Variants in MVP observed in about 807,000 individuals in gnomAD.
MVP encodes the protein major vault protein, also known as lung resistance-related protein.
In MVP, 62 loss-of-function variants were observed where a neutral mutation model predicts 83.5. The ratio of observed to expected loss-of-function variants is 0.74; its 90% CI spans 0.61 to 0.92. The LOEUF (loss-of-function observed/expected upper bound fraction) is 0.92. Ranked by LOEUF, MVP falls within the 40% of genes least tolerant of loss-of-function variation. The pLI, the probability that MVP is intolerant of heterozygous loss-of-function variation, is 0.00. For synonymous variants in MVP, 505 were observed against 504.1 expected, an observed-to-expected ratio of 1.00 and a Z score of -0.02; for missense variants, 1,000 against 1,203.4, an observed-to-expected ratio of 0.83 and a Z score of 2.50.
At chr16:29,839,852 C>T (rs1180741073) in intron 7 of MVP, among the ~76,000 whole-genome samples, 2 of 150,688 alleles carry the variant, frequency 1.3e-5, no homozygotes, top group African/African-American at 4.9e-5. Context: ...TTGTCAAGCC[C>T]TAGGTTACAC....
chr16:29,824,858 C>T (rs2150750210), intron 1 of MVP, among the ~76,000 whole-genome samples: 1 of 151,362 alleles, frequency 6.6e-6, no homozygotes, highest in Admixed American at 6.6e-5. Flanking sequence ...TTTGCTGTAG[C>T]AGAAGTTTAC....
chr16:29,831,125 C>T, intron 3 of MVP, 52 bp downstream of exon 3: 1 of 1,540,808 alleles, frequency 6.5e-7, no homozygotes, highest in African/African-American at 1.4e-5. Context: ...CTCCACCTGC[C>T]TTGGGCTCTA....
In MVP at chr16:29,833,834, T is replaced by C. The variant is rs748228739; in HGVS notation, c.423T>C (p.Asp141=). 1 of 1,614,086 alleles carries C rather than the reference T, an allele frequency of 6.2e-7. No individual in the cohort carries two copies. The highest frequency in any genetic ancestry group is 1.7e-5 in the Admixed American group (1 of 59,990). ...ATGGAGACAAGGTGGTGGCAGGAGA[T>C]GAGTGGCTTTTCGAGGGACCTGGTA... ...DKDGDKVVAG[D]EWLFEGPGTY... is the part of the protein sequence containing the mutation. The change falls in exon 4 of 15, where the codon GAT becomes GAC. Residue 141 remains aspartate (D), a synonymous_variant. Coordinates refer to ENST00000357402, the MANE Select transcript of MVP (RefSeq NM_005115.5).
At chr16:29,834,175 C>A in intron 5 of MVP, 109 bp downstream of exon 5, 1 of 1,457,110 alleles carries the variant, frequency 6.9e-7, no homozygotes, top group Non-Finnish European at 9.2e-7. Context: ...GAGGCGCTTT[C>A]CTGGTATCTT....
In MVP at chr16:29,822,081, G is replaced by C. The variant is rs933537276; in HGVS notation, c.-36+1571G>C. Among the ~76,000 whole-genome samples, 7 of 150,572 alleles carry C rather than the reference G, an allele frequency of 4.6e-5. 1 individual carries two copies. Among genetic ancestry groups the C allele is most frequent in the Admixed American group, 4.6e-4 (7 of 15,088 alleles). On this transcript the variant is annotated intron_variant, in intron 1 of 14. Transcript: ENST00000357402. ...TCTCTGTTTGTGTGTGTGTGGTTGG[G>C]GTTTTGTTTTTTTTTTTTTTTTAAA...
chr16:29,837,628 C>T (rs1264342683), intron 7 of MVP, among the ~76,000 whole-genome samples: 1 of 152,016 alleles, frequency 6.6e-6, no homozygotes, highest in Non-Finnish European at 1.5e-5. Flanking sequence ...GTGGCACACA[C>T]CTGTAATTCC....
At chr16:29,828,987 C>T (rs545187303) in intron 1 of MVP, among the ~76,000 whole-genome samples, 5 of 152,074 alleles carry the variant, frequency 3.3e-5, no homozygotes, top group African/African-American at 9.6e-5. Context: ...TGTTTTTCCT[C>T]GGCCAGGCCA....
At chr16:29,837,046 C>T (rs1320973080) in intron 7 of MVP, 88 bp downstream of exon 7, 27 of 1,244,186 alleles carry the variant, frequency 2.2e-5, no homozygotes, top group South Asian at 2.9e-5. Context: ...CTCCTCCAGA[C>T]GCACGTTCTA....
At chr16:29,833,121 C>T (rs2150753795) in intron 3 of MVP, among the ~76,000 whole-genome samples, 1 of 151,940 alleles carries the variant, frequency 6.6e-6, no homozygotes, top group African/African-American at 2.4e-5. Flanking sequence ...CCCAGCCACT[C>T]AGGAGGCTGA....
At chr16:29,821,043 A>G (rs2150748188) in intron 1 of MVP, 1 of 152,364 alleles carries the variant, frequency 6.6e-6, no homozygotes, top group South Asian at 2.1e-4. Context: ...AGTCATTAGC[A>G]GAGTGATTTC....
chr16:29,844,426 T>C, intron 10 of MVP, 67 bp from the exon 11 acceptor site: 1 of 1,505,876 alleles, frequency 6.6e-7, no homozygotes, highest in African/African-American at 1.4e-5. Context: ...TGGCAAGACC[T>C]TGTCTCTTCT....
At chr16:29,821,256 T>C (rs2150748315) in intron 1 of MVP, 1 of 152,148 alleles carries the variant, frequency 6.6e-6, no homozygotes, top group Non-Finnish European at 1.5e-5. Context: ...AGCCCCTGGG[T>C]GATGGGGGAG....
intron 1 of MVP, among the ~76,000 whole-genome samples, chr16:29,824,722 A>C (rs2067393169): frequency 6.6e-6 from 1 of 152,140 alleles, no homozygotes; most frequent in Admixed American, 6.6e-5. Context: ...AGATTGTGCC[A>C]CTTCACTCCA....
At chr16:29,827,750 C>CA (rs1252197352) in intron 1 of MVP, among the ~76,000 whole-genome samples, 9 of 151,422 alleles carry the variant, frequency 5.9e-5, no homozygotes, top group East Asian at 3.9e-4. Flanking sequence ...CTTGTCTCTG[C>CA]AAAAAAAATG....
chr16:29,836,821 G>A lies in MVP; in HGVS notation c.772G>A (p.Ala258Thr). The A allele has an allele frequency of 6.2e-7, 1 of 1,613,778 alleles. No individual in the cohort carries two copies. The highest frequency in any genetic ancestry group is 8.5e-7 in the Non-Finnish European group (1 of 1,179,938). Reference sequence around the variant, plus strand: ...GCTGGTAACAGTGCAGGACACAGAGGCCCACGTGCCAGATGTCCACGAGGA... The same window carrying A: ...GCTGGTAACAGTGCAGGACACAGAGACCCACGTGCCAGATGTCCACGAGGA... ...EWLVTVQDTE[A>T]HVPDVHEEVL... The change falls in exon 7 of 15, where the codon GCC (alanine) becomes ACC (threonine). Residue 258 changes from alanine (A) to threonine (T), a missense_variant. By Grantham distance (58) the Ala-to-Thr change is moderately conservative. Coordinates refer to ENST00000357402, the MANE Select transcript of MVP (RefSeq NM_005115.5).
intron 5 of MVP, chr16:29,834,376 A>G (rs535416284): frequency 2.8e-6 from 1 of 362,940 alleles, no homozygotes; most frequent in African/African-American, 2.1e-5. Context: ...TTCAAATACA[A>G]TTGACAAATG....
chr16:29,847,739 T>G (rs2067598032), intron 14 of MVP, 23 bp from the exon 15 acceptor site: 1 of 1,609,936 alleles, frequency 6.2e-7, no homozygotes, highest in South Asian at 1.1e-5. Flanking sequence ...CCATCTCAAC[T>G]TCCTCCTGTT....
rs2067541951 is a variant in MVP at position 29,842,254 on chromosome 16, G to A, written c.1634+142G>A. 5.8e-6 allele frequency: 5 copies of A among 860,006 alleles called. No individual in the cohort carries two copies. The East Asian group carries it at 1.3e-4, about 23-fold the overall frequency. The allele number at this position is 860,006 out of a possible 1,614,324, so 53.3% of individuals were successfully genotyped here. A position where few individuals can be genotyped will look rare whatever the true frequency, so the allele number is the denominator to read the frequency against. On this transcript the variant is annotated intron_variant, in intron 10 of 14. Transcript: ENST00000357402. ...CCACTATACTCCAGCCTGGGTGACAGAGCAAGACCCTGTTTCTTTGTTTTT... is the reference window on the plus strand; with the variant it reads ...CCACTATACTCCAGCCTGGGTGACAAAGCAAGACCCTGTTTCTTTGTTTTT...
chr16:29,830,809 C>A (rs2067435655), intron 2 of MVP, 69 bp from the exon 3 acceptor site: 7 of 1,573,736 alleles, frequency 4.4e-6, no homozygotes, highest in Non-Finnish European at 6.1e-6. Flanking sequence ...GTTTCTCTCT[C>A]ATTTGGTGTC....
Sources: allele counts gnomAD v4.1 joint callset (sites outside exome capture counted in the v4.1 genomes callset), GRCh38; gene constraint gnomAD v4.1.1; transcripts MANE v1.5; gene names NCBI Gene and HGNC (gene_info 2026-07-23, HGNC 2026-07-21).